GPATCH2: variants seen among roughly 807,000 people sequenced by gnomAD.
The protein encoded by GPATCH2 is G-patch domain containing 2, also known as G patch domain-containing protein 2.
A neutral mutation model predicts 58.0 loss-of-function variants in GPATCH2; 51 were observed. The observed-to-expected ratio is 0.88, with a 90% CI of 0.70 to 1.11. GPATCH2 has a LOEUF of 1.11. Ranked by LOEUF, GPATCH2 falls within the 50% of genes most tolerant of loss-of-function variation. The pLI, the probability that GPATCH2 is intolerant of heterozygous loss-of-function variation, is 0.00. For missense variants in GPATCH2, 625 were observed against 652.2 expected (o/e 0.96, Z 0.45); for synonymous variants, 222 against 218.5 (o/e 1.02, Z -0.14).
intron 5 of GPATCH2, among the ~76,000 whole-genome samples, chr1:217,519,002 C>T (rs1558452066): frequency 6.6e-6 from 1 of 152,226 alleles, no homozygotes; most frequent in East Asian, 1.9e-4. Context: ...GTTTCTCTTA[C>T]GGCAATTATT....
intron 5 of GPATCH2, among the ~76,000 whole-genome samples, chr1:217,555,757 T>C (rs895227692): frequency 2.0e-5 from 3 of 152,148 alleles, no homozygotes; most frequent in African/African-American, 7.2e-5. Flanking sequence ...GAAAGTAGCA[T>C]ACATTTCTAA....
chr1:217,450,510 T>A (rs906642726), intron 8 of GPATCH2, among the ~76,000 whole-genome samples: 1 of 152,124 alleles, frequency 6.6e-6, no homozygotes, highest in Non-Finnish European at 1.5e-5. Flanking sequence ...TCATAATTAA[T>A]GATCTGAGTA....
intron 5 of GPATCH2, among the ~76,000 whole-genome samples, chr1:217,593,870 A>G (rs557506325): frequency 1.2e-3 from 184 of 152,246 alleles, no homozygotes; most frequent in African/African-American, 3.9e-3. Flanking sequence ...TTCACTTTCA[A>G]CCAGAAGCAT....
chr1:217,592,094 C>T (rs192639595), intron 5 of GPATCH2, among the ~76,000 whole-genome samples: 106 of 152,072 alleles, frequency 7.0e-4, no homozygotes, highest in African/African-American at 2.5e-3. Flanking sequence ...TGATCTTTGC[C>T]TTAGAAAATG....
chr1:217,449,163 A>C, intron 9 of GPATCH2, 86 bp downstream of exon 9: 1 of 770,018 alleles, frequency 1.3e-6, no homozygotes. Flanking sequence ...TCTTCATTGC[A>C]AGTGATTAAG....
intron 5 of GPATCH2, among the ~76,000 whole-genome samples, chr1:217,557,053 G>A (rs915328828): frequency 6.6e-6 from 1 of 152,028 alleles, no homozygotes; most frequent in Non-Finnish European, 1.5e-5. Flanking sequence ...ATTTGAAAAA[G>A]CCACTCCCAG....
intron 5 of GPATCH2, among the ~76,000 whole-genome samples, chr1:217,525,574 A>C (rs1663862353): frequency 6.6e-6 from 1 of 152,298 alleles, no homozygotes; most frequent in African/African-American, 2.4e-5. Flanking sequence ...GCCAGAAAGT[A>C]TTTTCTCCTT....
chr1:217,591,769 G>T (rs1436888887), intron 5 of GPATCH2, among the ~76,000 whole-genome samples: 3 of 151,916 alleles, frequency 2.0e-5, no homozygotes, highest in Non-Finnish European at 4.4e-5. Context: ...TCTATTATCA[G>T]TATTTTAAAA....
chr1:217,449,824 A>C (rs1232626738), intron 8 of GPATCH2, among the ~76,000 whole-genome samples: 9 of 152,208 alleles, frequency 5.9e-5, no homozygotes. Flanking sequence ...TGCTTCCCTT[A>C]TAATTTATAT....
intron 1 of GPATCH2, among the ~76,000 whole-genome samples, chr1:217,629,617 G>C (rs982945454): frequency 6.6e-5 from 10 of 152,178 alleles, no homozygotes; most frequent in Admixed American, 3.9e-4. Flanking sequence ...AGAGGGAACT[G>C]TGGGGTGATG....
At chr1:217,465,962 A>T (rs1475255450) in intron 8 of GPATCH2, among the ~76,000 whole-genome samples, 1 of 152,200 alleles carries the variant, frequency 6.6e-6, no homozygotes, top group Non-Finnish European at 1.5e-5. Context: ...ATCAGACTAT[A>T]TCAGATATAG....
At chr1:217,432,978 G>A (rs904794263) in intron 9 of GPATCH2, among the ~76,000 whole-genome samples, 1 of 152,088 alleles carries the variant, frequency 6.6e-6, no homozygotes, top group Admixed American at 6.6e-5. Context: ...TGTGGACCAT[G>A]TCTTCCTAGA....
intron 5 of GPATCH2, chr1:217,609,000 CT>C: frequency 1.0e-6 from 1 of 970,722 alleles, no homozygotes; most frequent in Non-Finnish European, 1.2e-6. Flanking sequence ...CTTGAAGTTT[CT>C]TTTCCAATCA....
chr1:217,501,323 T>C (rs1000887487), intron 6 of GPATCH2, among the ~76,000 whole-genome samples: 7 of 152,140 alleles, frequency 4.6e-5, no homozygotes, highest in Admixed American at 4.6e-4. Flanking sequence ...TGGGTGAACA[T>C]AGTTTGTTTA....
intron 8 of GPATCH2, among the ~76,000 whole-genome samples, chr1:217,461,367 A>G (rs573560420): frequency 6.6e-6 from 1 of 152,286 alleles, no homozygotes; most frequent in African/African-American, 2.4e-5. Context: ...TCTCTTACTC[A>G]TGGGAGAAAA....
chr1:217,530,874 G>T (rs1664153218), intron 5 of GPATCH2, among the ~76,000 whole-genome samples: 1 of 152,058 alleles, frequency 6.6e-6, no homozygotes, highest in Non-Finnish European at 1.5e-5. Context: ...AAACACAGAA[G>T]TATTTTAGCT....
chr1:217,562,619 T>C (rs551888704), intron 5 of GPATCH2, among the ~76,000 whole-genome samples: 3 of 152,326 alleles, frequency 2.0e-5, no homozygotes, highest in Non-Finnish European at 2.9e-5. Flanking sequence ...AGTGGTCTAA[T>C]CTGAAACAAG....
chr1:217,532,175 G>A (rs1664225140), intron 5 of GPATCH2, among the ~76,000 whole-genome samples: 2 of 152,122 alleles, frequency 1.3e-5, no homozygotes, highest in Non-Finnish European at 2.9e-5. Context: ...TGTCCTCTGT[G>A]ATTAACCCAG....
At chr1:217,474,869 A>C (rs1660902560) in intron 8 of GPATCH2, among the ~76,000 whole-genome samples, 1 of 152,224 alleles carries the variant, frequency 6.6e-6, no homozygotes, top group African/African-American at 2.4e-5. Flanking sequence ...AAAAGGGGTA[A>C]GAAAAGTCAA....
Sources: allele counts gnomAD v4.1 joint callset (sites outside exome capture counted in the v4.1 genomes callset), GRCh38; gene constraint gnomAD v4.1.1; transcripts MANE v1.5; gene names NCBI Gene and HGNC (gene_info 2026-07-23, HGNC 2026-07-21).